The following TRMT2B variants were observed in gnomAD, a reference collection of about 807,000 sequenced individuals.
TRMT2B encodes tRNA methyltransferase 2B.
TRMT2B carries 34 observed loss-of-function variants against 39.7 expected under a neutral mutation model. That is an observed-to-expected ratio of 0.86 (90% CI 0.65 to 1.14). The LOEUF (loss-of-function observed/expected upper bound fraction) is 1.14. TRMT2B is among the 50% of genes most tolerant of loss of function. TRMT2B has a pLI of 0.00. For missense variants in TRMT2B, 318 were observed against 377.2 expected, an observed-to-expected ratio of 0.84 and a Z score of 1.30; for synonymous variants, 132 against 137.3, an observed-to-expected ratio of 0.96 and a Z score of 0.27.
intron 2 of TRMT2B, among the ~76,000 whole-genome samples, chrX:101,050,596 C>T (rs1426818795): frequency 5.4e-5 from 6 of 110,888 alleles, no homozygotes; most frequent in South Asian, 7.6e-4. Flanking sequence ...TGGTGGCGCA[C>T]GCCTGTAATC....
chrX:100,997,472 T>C, the TRMT2B span, among the ~76,000 whole-genome samples: 15 of 111,926 alleles, frequency 1.3e-4, no homozygotes, highest in Admixed American at 1.4e-3. Flanking sequence ...TTTGTTGTTG[T>C]TGTTCAAGAT....
chrX:101,033,665 T>C (rs2087646986), intron 7 of TRMT2B, among the ~76,000 whole-genome samples: 1 of 110,732 alleles, frequency 9.0e-6, no homozygotes, highest in African/African-American at 3.3e-5. Context: ...TAATTATTCA[T>C]GCCAATAAAA....
At chrX:101,003,336 G>C in the TRMT2B span, among the ~76,000 whole-genome samples, 1 of 88,223 alleles carries the variant, frequency 1.1e-5, no homozygotes, top group African/African-American at 4.3e-5. Flanking sequence ...GCATTAGAGT[G>C]ACATCCGATA....
chrX:101,050,721 T>C (rs1234371062), intron 2 of TRMT2B, among the ~76,000 whole-genome samples: 1 of 99,330 alleles, frequency 1.0e-5, no homozygotes, highest in East Asian at 3.2e-4. Flanking sequence ...TGAAACTCTG[T>C]CTCAAAAATA....
the TRMT2B span, among the ~76,000 whole-genome samples, chrX:100,995,732 T>C: frequency 3.6e-5 from 4 of 111,655 alleles, no homozygotes. Flanking sequence ...TTCAATACAA[T>C]GGAATGTTAC....
intron 13 of TRMT2B, chrX:101,013,635 C>A: frequency 8.3e-6 from 1 of 119,994 alleles, no homozygotes; most frequent in Non-Finnish European, 1.7e-5. Flanking sequence ...ACCTGTAATA[C>A]CAGCTACTCA....
intron 13 of TRMT2B, among the ~76,000 whole-genome samples, chrX:101,017,613 A>T (rs973171908): frequency 1.8e-5 from 2 of 112,640 alleles, no homozygotes; most frequent in Non-Finnish European, 3.7e-5. Context: ...AAATATAAAG[A>T]TTTCAAAAAT....
chrX:101,002,820 G>A, the TRMT2B span, among the ~76,000 whole-genome samples: 648 of 108,799 alleles, frequency 6.0e-3, 3 homozygotes, highest in Non-Finnish European at 9.4e-3. Flanking sequence ...AACACAGACC[G>A]ATTGACAGAA....
At position 101,035,668 on chromosome X, in the gene TRMT2B, C is replaced by G; in HGVS notation, c.554G>C (p.Cys185Ser). 8.3e-7 allele frequency: 1 copy of G among 1,207,713 alleles called. No individual in the cohort carries two copies. Among genetic ancestry groups the G allele is most frequent in the Non-Finnish European group, 1.1e-6 (1 of 891,816 alleles). ...LGTWRDGNVV[C>S]VQSNHLKNIP... ...GTTTTTCAGATGATTAGACTGCACA[C>G]AGACAACGTTCCCATCTATGGAAAG... is the stretch of plus-strand genomic sequence containing the variant. The change falls in exon 7 of 14, where the codon TGT (cysteine) becomes TCT (serine). Residue 185 changes from cysteine (C) to serine (S), a missense_variant. By Grantham distance (112) the Cys-to-Ser change is moderately radical. Transcript: ENST00000372936.
At position 101,010,465 on chromosome X, in the gene TRMT2B, C is replaced by G. The variant is rs972953333; in HGVS notation, c.*116G>C. ...TAATAGATTCTTCCTATTCACAAACCAAAGATTGGTTTCCACTGTAATGCT... is the reference window on the plus strand; with the variant it reads ...TAATAGATTCTTCCTATTCACAAACGAAAGATTGGTTTCCACTGTAATGCT... On this transcript the variant is annotated 3_prime_UTR_variant, in exon 14 of 14. Coordinates refer to ENST00000372936, the MANE Select transcript of TRMT2B (RefSeq NM_024917.6). 3.3e-6 allele frequency: 3 copies of G among 913,553 alleles called. No homozygotes were observed. The African/African-American group carries it at 6.1e-5, about 18-fold the overall frequency. The allele number at this position is 913,553 out of a possible 1,213,427, so 75.3% of individuals were successfully genotyped here.
chrX:101,004,509 G>GT (rs57623968), downstream of TRMT2B, among the ~76,000 whole-genome samples: 19,572 of 106,378 alleles, frequency 0.18, 1,541 homozygotes, highest in Middle Eastern at 0.24. Flanking sequence ...TTTTGTTTTT[G>GT]TTTTTTTTTG....
chrX:101,049,988 A>G (rs2088958626), intron 2 of TRMT2B, among the ~76,000 whole-genome samples: 1 of 111,719 alleles, frequency 9.0e-6, no homozygotes, highest in Non-Finnish European at 1.9e-5. Flanking sequence ...CCCTCCAGTC[A>G]GCAGGAAAGT....
chrX:101,020,573 G>A lies in TRMT2B; in HGVS notation c.1082C>T (p.Ser361Phe), dbSNP rs761129882. 4 of 1,206,207 alleles carry A rather than the reference G, an allele frequency of 3.3e-6. No individual in the cohort carries two copies. In the East Asian group the frequency reaches 1.2e-4, roughly 36 times the overall value. Reference sequence around the variant, plus strand: ...GACCCGAGATGTATGCTGAGCCAGAGAGAGGCCAATCACACCTGAAGAAGT... The same window carrying A: ...GACCCGAGATGTATGCTGAGCCAGAAAGAGGCCAATCACACCTGAAGAAGT... ...ICCGTGVIGL[S>F]LAQHTSRVLG... The change falls in exon 11 of 14, where the codon TCT becomes TTT. Residue 361 changes from serine (S) to phenylalanine (F), a missense_variant. By Grantham distance (155) the Ser-to-Phe change is radical. Transcript: ENST00000372936.
chrX:101,027,257 G>C (rs1176852800), intron 7 of TRMT2B, among the ~76,000 whole-genome samples: 4 of 107,376 alleles, frequency 3.7e-5, no homozygotes, highest in African/African-American at 1.4e-4. Context: ...TTTTGAGATG[G>C]AGTCTCACTC....
chrX:101,013,294 T>A (rs1027831985), intron 13 of TRMT2B, among the ~76,000 whole-genome samples: 9 of 111,599 alleles, frequency 8.1e-5, no homozygotes, highest in African/African-American at 2.9e-4. Context: ...TGCAATATAA[T>A]AAGCAAAAGG....
intron 7 of TRMT2B, among the ~76,000 whole-genome samples, chrX:101,034,089 G>A (rs1288491304): frequency 4.6e-5 from 5 of 109,368 alleles, no homozygotes; most frequent in African/African-American, 1.3e-4. Context: ...TGATCTGCCC[G>A]CCTCGGCCTC....
chrX:101,019,503 C>T (rs1231754346), intron 11 of TRMT2B, 100 bp from the exon 12 acceptor site: 1 of 1,025,020 alleles, frequency 9.8e-7, no homozygotes, highest in East Asian at 3.1e-5. Context: ...TGCCATCTTC[C>T]CTTTGGATCT....
chrX:100,991,878 G>A, the TRMT2B span, among the ~76,000 whole-genome samples: 2 of 110,876 alleles, frequency 1.8e-5, no homozygotes, highest in Non-Finnish European at 3.8e-5. Context: ...CATGAAGATA[G>A]AGAATAGACT....
At chrX:101,017,198 G>A (rs1314356711) in intron 13 of TRMT2B, among the ~76,000 whole-genome samples, 2 of 111,339 alleles carry the variant, frequency 1.8e-5, no homozygotes, top group East Asian at 5.7e-4. Flanking sequence ...CTTCCTATCT[G>A]TAGTTATGCT....
Sources: gnomAD v4.1 joint callset for allele counts (sites outside exome capture counted in the v4.1 genomes callset) on GRCh38, gnomAD v4.1.1 for gene constraint, MANE v1.5 for transcripts, NCBI Gene and HGNC (gene_info 2026-07-23, HGNC 2026-07-21) for gene names.